Variants in ZRANB1 observed in about 807,000 individuals in gnomAD.
ZRANB1 encodes ubiquitin thioesterase ZRANB1.
ZRANB1 carries 16 observed loss-of-function variants against 80.5 expected under a neutral mutation model. The observed-to-expected ratio is 0.20, with a 90% CI of 0.13 to 0.30. The LOEUF (loss-of-function observed/expected upper bound fraction) is 0.30, where lower values mean the gene tolerates loss of function less well. Ranked by LOEUF, ZRANB1 falls within the 10% of genes least tolerant of loss-of-function variation. The pLI, the probability that ZRANB1 is intolerant of heterozygous loss-of-function variation, is 1.00. For missense variants in ZRANB1, 576 were observed against 862.6 expected (o/e 0.67, Z 4.16); for synonymous variants, 291 against 293.1 (o/e 0.99, Z 0.07).
At chr10:124,947,807 A>G (rs1201205062) in intron 1 of ZRANB1, among the ~76,000 whole-genome samples, 6 of 152,148 alleles carry the variant, frequency 3.9e-5, no homozygotes, top group Non-Finnish European at 8.8e-5. Flanking sequence ...TTCAAAATAT[A>G]TCTGTACTCT....
rs891040219 is a variant in ZRANB1 at position 124,966,532 on chromosome 10, C to T, written c.815-62C>T. 1.3e-4 allele frequency: 203 copies of T among 1,522,374 alleles called. 1 individual carries two copies. Among genetic ancestry groups the T allele is most frequent in the Middle Eastern group, 1.7e-4 (1 of 5,806 alleles). 94.3% of individuals were successfully genotyped at this position (1,522,374 alleles called of 1,614,324 possible). A position where few individuals can be genotyped will look rare whatever the true frequency, so the allele number is the denominator to read the frequency against. ...TTAAAAGATTTTGGAGTGATTGCTA[C>T]GGTTTGTGTTTTTTGAAGAAAATGA... On this transcript the variant is annotated intron_variant, in intron 1 of 8. Coordinates refer to ENST00000359653, the MANE Select transcript of ZRANB1 (RefSeq NM_017580.3).
At chr10:124,923,227 C>T in the ZRANB1 span, among the ~76,000 whole-genome samples, 43 of 152,022 alleles carry the variant, frequency 2.8e-4, no homozygotes, top group East Asian at 6.6e-3. Context: ...GCAGAGGTTG[C>T]AGAGAGCCGA....
intron 5 of ZRANB1, among the ~76,000 whole-genome samples, chr10:124,974,680 C>CT (rs1951859658): frequency 6.6e-6 from 1 of 152,142 alleles, no homozygotes; most frequent in Non-Finnish European, 1.5e-5. Flanking sequence ...TTTATTGTTT[C>CT]TATAAGACAC....
chr10:124,936,307 A>C, the ZRANB1 span, among the ~76,000 whole-genome samples: 1 of 152,182 alleles, frequency 6.6e-6, no homozygotes. Context: ...GGTAGTTCTG[A>C]CCTGAACTGG....
the ZRANB1 span, among the ~76,000 whole-genome samples, chr10:124,927,537 C>T: frequency 2.6e-5 from 4 of 152,036 alleles, no homozygotes; most frequent in East Asian, 3.8e-4. Flanking sequence ...TTCAGTTTTC[C>T]GAACTAACTA....
chr10:124,945,117 T>C (rs1951569197), intron 1 of ZRANB1: 1 of 152,240 alleles, frequency 6.6e-6, no homozygotes, highest in Non-Finnish European at 1.5e-5. Context: ...TTCACCGTTT[T>C]GCAAGTGAAC....
At chr10:124,945,055 A>G (rs1951568615) in intron 1 of ZRANB1, 1 of 152,254 alleles carries the variant, frequency 6.6e-6, no homozygotes, top group Non-Finnish European at 1.5e-5. Context: ...AGGAGATACA[A>G]AAGGGTTTTG....
At chr10:124,977,764 A>T (rs997184923) in intron 5 of ZRANB1, among the ~76,000 whole-genome samples, 3 of 148,338 alleles carry the variant, frequency 2.0e-5, no homozygotes, top group African/African-American at 7.4e-5. Context: ...ATACAGTCTG[A>T]TGTTGTAAAT....
chr10:124,919,921 C>CCTT, the ZRANB1 span, among the ~76,000 whole-genome samples: 14 of 62,010 alleles, frequency 2.3e-4, no homozygotes, highest in African/African-American at 9.1e-4. Context: ...CCCCCCCCCC[C>CCTT]TTTTTTTTTT....
intron 5 of ZRANB1, among the ~76,000 whole-genome samples, chr10:124,975,872 C>T (rs1951872555): frequency 6.6e-6 from 1 of 152,114 alleles, no homozygotes; most frequent in African/African-American, 2.4e-5. Context: ...TGTGGTGGTG[C>T]ATGCCTATAA....
the ZRANB1 span, among the ~76,000 whole-genome samples, chr10:124,931,279 C>T: frequency 2.6e-5 from 4 of 151,832 alleles, no homozygotes; most frequent in African/African-American, 7.2e-5. Context: ...ACTATGTTGC[C>T]CAGGCTGATC....
chr10:124,918,732 C>G, the ZRANB1 span, among the ~76,000 whole-genome samples: 1 of 152,130 alleles, frequency 6.6e-6, no homozygotes, highest in Non-Finnish European at 1.5e-5. Flanking sequence ...GATCTTGTCT[C>G]CTTGTTATTA....
At chr10:124,964,608 A>C (rs1951762761) in intron 1 of ZRANB1, among the ~76,000 whole-genome samples, 2 of 152,204 alleles carry the variant, frequency 1.3e-5, no homozygotes, top group Non-Finnish European at 2.9e-5. Context: ...TATACACATA[A>C]ATTGTACAGA....
chr10:124,973,982 A>C (rs1951851379), intron 4 of ZRANB1, among the ~76,000 whole-genome samples: 1 of 152,242 alleles, frequency 6.6e-6, no homozygotes, highest in African/African-American at 2.4e-5. Flanking sequence ...TTAGAAAATA[A>C]AACTGTAAAG....
chr10:124,966,251 C>T (rs563000274), intron 1 of ZRANB1, among the ~76,000 whole-genome samples: 6 of 152,038 alleles, frequency 3.9e-5, no homozygotes, highest in African/African-American at 7.2e-5. Flanking sequence ...AACGCAGGAC[C>T]GGAACCAGGG....
chr10:124,943,151 A>G lies in ZRANB1; in HGVS notation c.658A>G (p.Thr220Ala), dbSNP rs754615207. The change falls in exon 1 of 9, where the codon ACG becomes GCG. Residue 220 changes from threonine (T) to alanine (A), a missense_variant. Physicochemically the swap from Thr to Ala is moderately conservative, Grantham distance 58 (BLOSUM62 0). This residue lies in a region of ZRANB1 where 411 missense variants were observed against 583.1 expected (regional missense o/e 0.70). Coordinates refer to ENST00000359653, the MANE Select transcript of ZRANB1 (RefSeq NM_017580.3). ...GNSQRRSPPATKRDSEVKMDF... is the reference protein window; with the variant it reads ...GNSQRRSPPAAKRDSEVKMDF... The stretch of plus-strand genomic sequence containing the variant: ...TAGCCAAAGGAGATCACCTCCTGCT[A>G]CGAAGCGGGACTCTGAAGTGAAAAT... 5.0e-6 allele frequency: 8 copies of G among 1,614,126 alleles called. No homozygotes were observed. The highest frequency in any genetic ancestry group is 3.4e-6 in the Non-Finnish European group (4 of 1,180,050).
chr10:124,962,300 G>A, intron 1 of ZRANB1: 1 of 773,886 alleles, frequency 1.3e-6, no homozygotes, highest in Non-Finnish European at 1.6e-6. Flanking sequence ...TCCTGAAATT[G>A]TGCCAGCCGA....
At position 124,983,634 on chromosome 10, in the gene ZRANB1, T is replaced by G. The variant is rs1253252899; in HGVS notation, c.1854T>G (p.Pro618=). 6.2e-7 allele frequency: 1 copy of G among 1,612,900 alleles called. No homozygotes were observed. The change falls in exon 8 of 9, where the codon CCT becomes CCG. Residue 618 remains proline, a synonymous_variant. Transcript: ENST00000359653. This position sits in a 1 kb window ranked among gnomAD's most constrained non-coding sequence, Gnocchi z 6.2. The stretch of plus-strand genomic sequence containing the variant: ...ATGATGTCACCATCACATTTTTGCC[T>G]CTGGTTGACAGTGAAAGGAAGCTAC... ...TDDDVTITFL[P]LVDSERKLLH...
intron 1 of ZRANB1, chr10:124,962,517 A>G (rs1951741645): frequency 2.1e-6 from 1 of 466,776 alleles, no homozygotes; most frequent in Non-Finnish European, 2.8e-6. Context: ...ACTGTGCCAT[A>G]TATGGGGGAA....
Sources: allele counts gnomAD v4.1 joint callset (sites outside exome capture counted in the v4.1 genomes callset), GRCh38; gene constraint gnomAD v4.1.1; regional missense constraint gnomAD v4.1.1; non-coding constraint Gnocchi (gnomAD v3.1); transcripts MANE v1.5; gene names NCBI Gene and HGNC (gene_info 2026-07-23, HGNC 2026-07-21).